Variants in NKIRAS1 observed in about 807,000 individuals in gnomAD.
The protein encoded by NKIRAS1 is NFKB inhibitor interacting Ras like 1.
A neutral mutation model predicts 19.8 loss-of-function variants in NKIRAS1; 16 were observed. The observed-to-expected ratio is 0.81, with a 90% CI of 0.55 to 1.23. The LOEUF is 1.23. Ranked by LOEUF, NKIRAS1 falls within the 50% of genes most tolerant of loss-of-function variation. NKIRAS1 has a pLI of 0.00. For synonymous variants in NKIRAS1, 88 were observed against 79.0 expected (o/e 1.11, Z -0.61); for missense variants, 184 against 220.0 (o/e 0.84, Z 1.04).
At chr3:23,913,534 C>T (rs1442493703) in intron 1 of NKIRAS1, among the ~76,000 whole-genome samples, 1 of 152,124 alleles carries the variant, frequency 6.6e-6, no homozygotes, top group Non-Finnish European at 1.5e-5. Context: ...AAATAATTAA[C>T]ATTTTGAATA....
intron 1 of NKIRAS1, among the ~76,000 whole-genome samples, chr3:23,912,883 C>A (rs1328304826): frequency 6.6e-6 from 1 of 151,738 alleles, no homozygotes; most frequent in Non-Finnish European, 1.5e-5. Context: ...CTTTGGGAGG[C>A]CAAGGTGGGC....
intron 4 of NKIRAS1, 32 bp from the exon 5 acceptor site, chr3:23,893,369 A>G: frequency 6.3e-7 from 1 of 1,583,532 alleles, no homozygotes; most frequent in Non-Finnish European, 8.6e-7. Flanking sequence ...AGATCATACT[A>G]GTACTTTGCC....
chr3:23,908,000 A>C (rs1703240239), intron 3 of NKIRAS1, among the ~76,000 whole-genome samples: 1 of 152,234 alleles, frequency 6.6e-6, no homozygotes, highest in Admixed American at 6.5e-5. Context: ...CTATCATTTC[A>C]AGGAAAGTAA....
At chr3:23,919,674 T>C, upstream of NKIRAS1, 1 of 1,399,650 alleles carries the variant, frequency 7.1e-7, no homozygotes, top group Non-Finnish European at 9.2e-7. Flanking sequence ...TGGTGTATCT[T>C]GTTTCTAATA....
chr3:23,946,153 G>A, intron 1 of NKIRAS1: 1 of 985,258 alleles, frequency 1.0e-6, no homozygotes, highest in South Asian at 4.7e-5. Context: ...ACACTGCGGA[G>A]GAGGCCGCGC....
At chr3:23,913,498 A>G (rs761134962) in intron 1 of NKIRAS1, among the ~76,000 whole-genome samples, 1 of 152,232 alleles carries the variant, frequency 6.6e-6, no homozygotes, top group Non-Finnish European at 1.5e-5. Context: ...TGCTACCATC[A>G]ATTACAAAGT....
At chr3:23,900,230 TTGAGA>T (rs1301331453) in intron 4 of NKIRAS1, among the ~76,000 whole-genome samples, 1 of 152,024 alleles carries the variant, frequency 6.6e-6, no homozygotes, top group African/African-American at 2.4e-5. Flanking sequence ...TATGTAGTAC[TTGAGA>T]TAAGAAGTCA....
upstream of NKIRAS1, chr3:23,918,710 T>C (rs757847173): frequency 1.0e-4 from 110 of 1,073,438 alleles, no homozygotes; most frequent in Non-Finnish European, 1.3e-4. Flanking sequence ...TTTACTAATC[T>C]TGGTGAAGAG....
rs1273076000 is a variant in NKIRAS1, at chr3:23,945,174, A to AGCGG, written c.-140+1145_-140+1148dup. On this transcript the variant is annotated intron_variant, in intron 1 of 4. Transcript: ENST00000421515. ...GAAAAGGGTAGCCGGGGAGCCGGGA[A>AGCGG]GCGGGCGGGAGGGAGGGGAGCGGCG... 1.3e-4 allele frequency: 14 copies of AGCGG among 110,774 alleles called. No individual in the cohort carries two copies. In the East Asian group the frequency reaches 4.1e-3, roughly 33 times the overall value. 6.9% of individuals were successfully genotyped at this position (110,774 alleles called of 1,614,324 possible).
chr3:23,940,383 T>A (rs951176375), intron 1 of NKIRAS1, among the ~76,000 whole-genome samples: 9 of 152,104 alleles, frequency 5.9e-5, no homozygotes, highest in Non-Finnish European at 1.3e-4. Context: ...GTGTGAATTT[T>A]TTTTTTCATT....
chr3:23,905,513 T>C (rs773608250), intron 3 of NKIRAS1, among the ~76,000 whole-genome samples: 14 of 152,152 alleles, frequency 9.2e-5, no homozygotes, highest in African/African-American at 3.1e-4. Flanking sequence ...GTTTCAAACA[T>C]GCAAAGCCTC....
upstream of NKIRAS1, chr3:23,920,811 C>G: frequency 3.2e-6 from 3 of 947,616 alleles, no homozygotes; most frequent in Non-Finnish European, 3.8e-6. Context: ...AGAGGTTGTT[C>G]AACTGAAGGA....
chr3:23,946,019 G>T (rs899944294), intron 1 of NKIRAS1: 1 of 797,678 alleles, frequency 1.3e-6, no homozygotes, highest in Non-Finnish European at 1.5e-6. Flanking sequence ...GCAGGGACAC[G>T]TGGGGGCGGG....
intron 1 of NKIRAS1, chr3:23,946,159 C>G (rs1474941256): frequency 1.0e-6 from 1 of 985,010 alleles, no homozygotes; most frequent in Non-Finnish European, 1.2e-6. Context: ...CGGAGGAGGC[C>G]GCGCGTGCGC....
upstream of NKIRAS1, chr3:23,919,074 ATAACT>A: frequency 1.5e-6 from 1 of 676,698 alleles, no homozygotes; most frequent in Non-Finnish European, 2.6e-6. Flanking sequence ...TGCTTAGTAA[ATAACT>A]TGAGTAGTAA....
intron 1 of NKIRAS1, among the ~76,000 whole-genome samples, chr3:23,942,428 A>AT (rs1248293553): frequency 1.3e-5 from 2 of 151,710 alleles, no homozygotes; most frequent in African/African-American, 4.8e-5. Flanking sequence ...GCCATAGTTT[A>AT]TTTTTTCATT....
Position 23,890,090 on chromosome 3 carries a change from C to T in NKIRAS1, c.*3005G>A, listed in dbSNP as rs1385733784. ...GGTTAATAGTGTTGCACTGCAACAG[C>T]CCCGAAGACTTCACAGTATTCACAA... On this transcript the variant is annotated 3_prime_UTR_variant, in exon 5 of 5. Transcript: ENST00000425478. Among the ~76,000 whole-genome samples, 2 of 152,098 alleles carry T rather than the reference C, an allele frequency of 1.3e-5. No homozygotes were observed. Among genetic ancestry groups the T allele is most frequent in the Non-Finnish European group, 2.9e-5 (2 of 68,026 alleles).
chr3:23,901,092 G>A (rs1423266886), intron 3 of NKIRAS1, 43 bp from the exon 4 acceptor site: 2 of 1,602,000 alleles, frequency 1.2e-6, no homozygotes, highest in Non-Finnish European at 1.7e-6. Context: ...CTAAGTCAGT[G>A]TCAACTGCTC....
At chr3:23,946,551 G>A (rs1000951233) in exon 1 of NKIRAS1, 8 of 152,556 alleles carry the variant, frequency 5.2e-5, no homozygotes, top group Admixed American at 3.3e-4. Context: ...TACACACACA[G>A]TCTTAAAAAC....
Sources: allele counts gnomAD v4.1 joint callset (sites outside exome capture counted in the v4.1 genomes callset), GRCh38; gene constraint gnomAD v4.1.1; transcripts MANE v1.5; gene names NCBI Gene and HGNC (gene_info 2026-07-23, HGNC 2026-07-21).